Variants in PTPRK observed in about 807,000 individuals in gnomAD.
PTPRK encodes protein tyrosine phosphatase receptor type K, also known as receptor-type tyrosine-protein phosphatase kappa.
Under a neutral mutation model 178.0 loss-of-function variants are expected in PTPRK, and 75 were observed. That is an observed-to-expected ratio of 0.42 (90% confidence interval 0.35 to 0.51). The LOEUF (loss-of-function observed/expected upper bound fraction) is 0.51, where lower values mean the gene tolerates loss of function less well. Ranked by LOEUF, PTPRK falls within the 20% of genes least tolerant of loss-of-function variation. The pLI, the probability that PTPRK is intolerant of heterozygous loss-of-function variation, is 0.02. For synonymous variants in PTPRK, 637 were observed against 620.6 expected, an observed-to-expected ratio of 1.03 and a Z score of -0.39; for missense variants, 1,441 against 1,797.8, an observed-to-expected ratio of 0.80 and a Z score of 3.59.
intron 7 of PTPRK, among the ~76,000 whole-genome samples, chr6:128,165,414 A>T (rs986187794): frequency 2.6e-5 from 4 of 151,272 alleles, no homozygotes; most frequent in African/African-American, 9.7e-5. Context: ...TTCTTTTTGC[A>T]TGAGAGAGGT....
At chr6:128,516,369 A>G (rs1442617871) in intron 1 of PTPRK, among the ~76,000 whole-genome samples, 1 of 152,088 alleles carries the variant, frequency 6.6e-6, no homozygotes, top group Non-Finnish European at 1.5e-5. Flanking sequence ...GAAAATCAAG[A>G]GTCAGATGCA....
intron 15 of PTPRK, chr6:128,000,082 A>C (rs1045817202): frequency 2.1e-6 from 2 of 971,946 alleles, no homozygotes; most frequent in East Asian, 2.3e-4. Flanking sequence ...TACCACTTAA[A>C]AAAAAAAACA....
At chr6:128,379,814 GCA>G (rs1837625066) in intron 2 of PTPRK, among the ~76,000 whole-genome samples, 1 of 152,090 alleles carries the variant, frequency 6.6e-6, no homozygotes, top group Non-Finnish European at 1.5e-5. Flanking sequence ...ACCTTCCAGG[GCA>G]TTCACTTTAG....
chr6:128,209,675 G>A (rs1807714492), intron 6 of PTPRK, among the ~76,000 whole-genome samples: 1 of 152,114 alleles, frequency 6.6e-6, no homozygotes, highest in Non-Finnish European at 1.5e-5. Context: ...ATCCAATCAT[G>A]AGTGAGCAAA....
chr6:128,315,431 T>C (rs1827863213), intron 3 of PTPRK, among the ~76,000 whole-genome samples: 1 of 152,142 alleles, frequency 6.6e-6, no homozygotes, highest in Non-Finnish European at 1.5e-5. Flanking sequence ...AATCTAATTC[T>C]CATAAGGGAA....
intron 2 of PTPRK, among the ~76,000 whole-genome samples, chr6:128,367,050 G>A (rs1034727861): frequency 2.6e-5 from 4 of 152,042 alleles, no homozygotes; most frequent in African/African-American, 9.7e-5. Context: ...AGCTGGGTTG[G>A]ACCTACTATA....
chr6:128,066,195 T>C (rs7751946), intron 12 of PTPRK, among the ~76,000 whole-genome samples: 5,916 of 152,232 alleles, frequency 0.039, 379 homozygotes, highest in African/African-American at 0.14. Context: ...ACTTCCATTG[T>C]GTTCTGTTTT....
intron 3 of PTPRK, among the ~76,000 whole-genome samples, chr6:128,299,098 C>G (rs1032038291): frequency 3.9e-5 from 6 of 152,142 alleles, no homozygotes; most frequent in Non-Finnish European, 7.3e-5. Context: ...AGAGCCAAAT[C>G]ATGAGTGAAC....
chr6:128,162,277 G>C (rs1351402756), intron 7 of PTPRK, among the ~76,000 whole-genome samples: 1 of 151,590 alleles, frequency 6.6e-6, no homozygotes, highest in Non-Finnish European at 1.5e-5. Context: ...ACAGCTACCA[G>C]TGAACTGAAT....
At chr6:128,408,265 G>A (rs1394724136) in intron 1 of PTPRK, among the ~76,000 whole-genome samples, 1 of 152,118 alleles carries the variant, frequency 6.6e-6, no homozygotes, top group East Asian at 1.9e-4. Flanking sequence ...GCGGGCGCCT[G>A]TAATCCCAGC....
At chr6:128,515,364 A>T (rs1857817227) in intron 1 of PTPRK, among the ~76,000 whole-genome samples, 1 of 152,166 alleles carries the variant, frequency 6.6e-6, no homozygotes, top group South Asian at 2.1e-4. Flanking sequence ...CCTATCATGA[A>T]TTGATGTCTT....
chr6:127,976,749 G>T lies in PTPRK; in HGVS notation c.3877C>A (p.Leu1293Ile). The T allele has an allele frequency of 6.2e-7, 1 of 1,613,580 alleles. No individual in the cohort carries two copies. The highest frequency in any genetic ancestry group is 8.5e-7 in the Non-Finnish European group (1 of 1,179,826). Reference sequence around the variant, plus strand: ...TCCACTTGGATGGGGCCATATCGTAGCATCCCTTCCTCTGGCCAGTACTGA... The same window carrying T: ...TCCACTTGGATGGGGCCATATCGTATCATCCCTTCCTCTGGCCAGTACTGA... ...CPQYWPEEGM[L>I]RYGPIQVECM... The change falls in exon 27 of 30, where the codon CTA becomes ATA. Residue 1293 changes from leucine to isoleucine, a missense_variant. Physicochemically the swap from Leu to Ile is conservative, Grantham distance 5. Around this residue, in one of 4 missense-constraint regions of PTPRK, gnomAD observed 335 missense variants for 512.4 expected, o/e 0.65. Transcript: ENST00000368226.
intron 3 of PTPRK, among the ~76,000 whole-genome samples, chr6:128,298,001 A>C (rs1824803864): frequency 6.6e-6 from 1 of 152,196 alleles, no homozygotes; most frequent in Non-Finnish European, 1.5e-5. Flanking sequence ...AGAAGAAAAG[A>C]GAGAAGAATC....
chr6:128,479,913 G>A (rs1413506098), intron 1 of PTPRK, among the ~76,000 whole-genome samples: 3 of 151,908 alleles, frequency 2.0e-5, no homozygotes, highest in Non-Finnish European at 4.4e-5. Context: ...ATAGCTCAAG[G>A]CTCAAGGCAG....
intron 1 of PTPRK, among the ~76,000 whole-genome samples, chr6:128,485,580 A>T (rs1326565785): frequency 6.6e-6 from 1 of 152,184 alleles, no homozygotes; most frequent in Non-Finnish European, 1.5e-5. Context: ...GATAAATAAA[A>T]TGAAGCAAAT....
intron 13 of PTPRK, among the ~76,000 whole-genome samples, chr6:128,053,917 G>T (rs887651815): frequency 1.3e-5 from 2 of 152,140 alleles, no homozygotes; most frequent in Admixed American, 1.3e-4. Context: ...TGAGAAAAAA[G>T]AGCTACACCA....
chr6:128,434,898 C>T (rs1330209376), intron 1 of PTPRK, among the ~76,000 whole-genome samples: 6 of 152,072 alleles, frequency 3.9e-5, no homozygotes, highest in African/African-American at 1.2e-4. Flanking sequence ...GTGGTACACA[C>T]GTGTAGTCCC....
rs143732371 is a variant in PTPRK at position 128,105,812 on chromosome 6, G to A, written c.1163-15820C>T. 1.8e-3 allele frequency among the ~76,000 whole-genome samples: 269 copies of A among 152,236 alleles called. 1 individual carries two copies. Among genetic ancestry groups the A allele is most frequent in the African/African-American group, 6.1e-3 (255 of 41,538 alleles). ...GAGACCTAAGGAGTTAGTTTTTACA[G>A]CCTGCGTCATTACCATTTACCTTGA... On this transcript the variant is annotated intron_variant, in intron 7 of 29. Coordinates refer to ENST00000368226, the MANE Select transcript of PTPRK (RefSeq NM_002844.4).
At chr6:128,349,442 C>G (rs541289079) in intron 2 of PTPRK, among the ~76,000 whole-genome samples, 1 of 152,118 alleles carries the variant, frequency 6.6e-6, no homozygotes, top group South Asian at 2.1e-4. Context: ...TTCATGATCT[C>G]TGCCTTATCT....
Sources: gnomAD v4.1 joint callset for allele counts (sites outside exome capture counted in the v4.1 genomes callset) on GRCh38, gnomAD v4.1.1 for gene constraint, gnomAD v4.1.1 regional missense constraint, MANE v1.5 for transcripts, NCBI Gene and HGNC (gene_info 2026-07-23, HGNC 2026-07-21) for gene names.